SEC63: variants seen among roughly 807,000 people sequenced by gnomAD.
SEC63 encodes the protein SEC63 protein translocation regulator.
In SEC63, 56 loss-of-function variants were observed where a neutral mutation model predicts 116.2. That is an observed-to-expected ratio of 0.48 (90% CI 0.39 to 0.60). The LOEUF is 0.60. Among genes scored for constraint, SEC63 ranks in the 20% least tolerant of loss-of-function variants. SEC63 has a pLI of 0.00. For missense variants in SEC63, 668 were observed against 900.0 expected (o/e 0.74, Z 3.30); for synonymous variants, 273 against 294.6 (o/e 0.93, Z 0.75).
chr6:107,896,114 C>T (rs931965916), intron 14 of SEC63, among the ~76,000 whole-genome samples: 3 of 151,940 alleles, frequency 2.0e-5, no homozygotes, highest in African/African-American at 4.8e-5. Context: ...TGCAGTGAGC[C>T]GAGACTGCAC....
intron 1 of SEC63, among the ~76,000 whole-genome samples, chr6:107,943,110 T>C (rs555776024): frequency 6.6e-6 from 1 of 152,354 alleles, no homozygotes; most frequent in South Asian, 2.1e-4. Flanking sequence ...AGAGACAAAC[T>C]GCTCACGCAG....
intron 1 of SEC63, among the ~76,000 whole-genome samples, chr6:107,954,114 C>T (rs946606689): frequency 1.3e-5 from 2 of 152,180 alleles, no homozygotes; most frequent in Admixed American, 6.5e-5. Context: ...TCATTTTGTT[C>T]TGTACTAGGA....
At chr6:107,893,121 C>T (rs1583734125) in intron 16 of SEC63, among the ~76,000 whole-genome samples, 1 of 105,006 alleles carries the variant, frequency 9.5e-6, no homozygotes, top group Non-Finnish European at 1.7e-5. Context: ...CACACACACA[C>T]ACACACACAC....
chr6:107,952,150 A>G (rs145608566), intron 1 of SEC63, among the ~76,000 whole-genome samples: 29 of 152,306 alleles, frequency 1.9e-4, no homozygotes, highest in African/African-American at 6.5e-4. Context: ...AGTAAAACAA[A>G]TAACTACTAA....
chr6:107,943,160 C>G (rs1770412716), intron 1 of SEC63, among the ~76,000 whole-genome samples: 1 of 152,234 alleles, frequency 6.6e-6, no homozygotes, highest in Admixed American at 6.5e-5. Flanking sequence ...CAGACACTTG[C>G]AACACCTGAG....
At chr6:107,901,325 C>G in intron 13 of SEC63, 45 bp downstream of exon 13, 1 of 1,575,900 alleles carries the variant, frequency 6.3e-7, no homozygotes. Flanking sequence ...GAGAACCAAT[C>G]TATCAAAAGG....
chr6:107,870,067 A>C lies in SEC63; in HGVS notation c.*1637T>G, dbSNP rs1786094348. ...CAGCTGGCTTACCCCCTGCCACCAC[A>C]CTTAGGTAATCAGTAGCTGCCTCAA... On this transcript the variant is annotated 3_prime_UTR_variant, in exon 21 of 21. Transcript: ENST00000369002. 1 of 152,170 alleles carries C rather than the reference A, an allele frequency of 6.6e-6. No homozygotes were observed. Among genetic ancestry groups the C allele is most frequent in the Admixed American group, 6.6e-5 (1 of 15,238 alleles). 9.4% of individuals were successfully genotyped at this position (152,170 alleles called of 1,614,324 possible).
chr6:107,872,700 ACTT>A (rs1181263714), intron 20 of SEC63, 105 bp downstream of exon 20: 2 of 714,620 alleles, frequency 2.8e-6, no homozygotes, highest in Admixed American at 2.3e-5. Context: ...GCATGAGATG[ACTT>A]CTTTTTCCTT....
chr6:107,890,067 G>A (rs1222979297), intron 16 of SEC63, among the ~76,000 whole-genome samples: 1 of 152,184 alleles, frequency 6.6e-6, no homozygotes, highest in Non-Finnish European at 1.5e-5. Context: ...GTCGATTTGG[G>A]CTGGAGAGTT....
chr6:107,891,121 G>T (rs577965623), intron 16 of SEC63, among the ~76,000 whole-genome samples: 1 of 152,262 alleles, frequency 6.6e-6, no homozygotes, highest in South Asian at 2.1e-4. Flanking sequence ...GACCTTGCTA[G>T]GTTGGGGAAG....
chr6:107,944,385 G>A (rs1219679822), intron 1 of SEC63, among the ~76,000 whole-genome samples: 1 of 152,178 alleles, frequency 6.6e-6, no homozygotes, highest in Non-Finnish European at 1.5e-5. Context: ...ATACACACAA[G>A]TCTGGAGTCT....
At chr6:107,943,939 G>T (rs1770426556) in intron 1 of SEC63, among the ~76,000 whole-genome samples, 1 of 152,180 alleles carries the variant, frequency 6.6e-6, no homozygotes, top group African/African-American at 2.4e-5. Context: ...AAGGATCCTT[G>T]CTAATATTCT....
Position 107,868,343 on chromosome 6 carries a change from C to G in SEC63, c.*3361G>C, listed in dbSNP as rs1786047668. 6.6e-6 allele frequency: 1 copy of G among 152,056 alleles called. No individual in the cohort carries two copies. The highest frequency in any genetic ancestry group is 1.5e-5 in the Non-Finnish European group (1 of 68,012). The allele number at this position is 152,056 out of a possible 1,614,324, so 9.4% of individuals were successfully genotyped here. A position where few individuals can be genotyped will look rare whatever the true frequency, so the allele number is the denominator to read the frequency against. ...CCTGTAATGCCAGCACTTTGGGAGG[C>G]TGAGGAGGGCTGATCACTTGAGGCC... On this transcript the variant is annotated 3_prime_UTR_variant, in exon 21 of 21. Transcript: ENST00000369002.
chr6:107,938,570 T>C (rs888834501), intron 1 of SEC63, among the ~76,000 whole-genome samples: 3 of 138,880 alleles, frequency 2.2e-5, no homozygotes, highest in Admixed American at 1.4e-4. Context: ...TTTTTTCTTT[T>C]TTTTTTTTTT....
At position 107,871,576 on chromosome 6, in the gene SEC63, A is replaced by C. The variant is rs1786133669; in HGVS notation, c.*128T>G. The C allele has an allele frequency of 1.2e-6, 1 of 838,374 alleles. No homozygotes were observed. The highest frequency in any genetic ancestry group is 1.7e-5 in the African/African-American group (1 of 59,708). 51.9% of individuals were successfully genotyped at this position (838,374 alleles called of 1,614,324 possible). ...CACTGCCTAGTTATATTATGCACCC[A>C]TTTCAAGAGTAAAAAAACTACACCT... On this transcript the variant is annotated 3_prime_UTR_variant, in exon 21 of 21. Transcript: ENST00000369002.
At chr6:107,913,470 C>G (rs1787331586) in intron 4 of SEC63, 43 bp from the exon 5 acceptor site, 3 of 1,428,830 alleles carry the variant, frequency 2.1e-6, no homozygotes, top group Non-Finnish European at 9.9e-7. Context: ...AAAGCCACAT[C>G]TGAAAAACAA....
chr6:107,872,670 T>C lies in SEC63; in HGVS notation c.2139+138A>G, dbSNP rs111726547. The C allele has an allele frequency of 4.5e-5, 28 of 619,232 alleles. 1 individual carries two copies. Among genetic ancestry groups the C allele is most frequent in the African/African-American group, 3.3e-4 (18 of 53,976 alleles). The allele number at this position is 619,232 out of a possible 1,614,324, so 38.4% of individuals were successfully genotyped here. On this transcript the variant is annotated intron_variant, in intron 20 of 20. Transcript: ENST00000369002. ...AGTTTATTATTGAAAGAGTAGTCCATCAAGTATATCATATATAAAGCATGA... is the reference window on the plus strand; with the variant it reads ...AGTTTATTATTGAAAGAGTAGTCCACCAAGTATATCATATATAAAGCATGA...
Position 107,958,205 on chromosome 6 carries a change from A to T in SEC63, c.-196T>A, listed in dbSNP as rs1770758211. On this transcript the variant is annotated 5_prime_UTR_variant, in exon 1 of 21. Coordinates refer to ENST00000369002, the MANE Select transcript of SEC63 (RefSeq NM_007214.5). The stretch of plus-strand genomic sequence containing the variant: ...GCCGCCGCCGTCGCCAGCTCTCGCG[A>T]GAGGAGATAGTTCCCGCCCCGCTCA... 6 of 748,844 alleles carry T rather than the reference A, an allele frequency of 8.0e-6. No individual in the cohort carries two copies. The allele number at this position is 748,844 out of a possible 1,614,324, so 46.4% of individuals were successfully genotyped here.
chr6:107,904,543 G>C lies in SEC63; in HGVS notation c.1054+86C>G, dbSNP rs17068976. 4,970 of 1,001,034 alleles carry C rather than the reference G, an allele frequency of 5.0e-3. 196 individuals are homozygous for C. In the East Asian group the frequency reaches 0.085, roughly 17 times the overall value. 62.0% of individuals were successfully genotyped at this position (1,001,034 alleles called of 1,614,324 possible). On this transcript the variant is annotated intron_variant, in intron 11 of 20. Coordinates refer to ENST00000369002, the MANE Select transcript of SEC63 (RefSeq NM_007214.5). ...ACTGAACTGGCCGACAGAAGTCTGA[G>C]TACCCATAAATCCTAAAATATGAAG...
Sources: allele counts gnomAD v4.1 joint callset (sites outside exome capture counted in the v4.1 genomes callset), GRCh38; gene constraint gnomAD v4.1.1; transcripts MANE v1.5; gene names NCBI Gene and HGNC (gene_info 2026-07-23, HGNC 2026-07-21).